Variants in ZBTB20 observed in about 807,000 individuals in gnomAD.
The protein encoded by ZBTB20 is zinc finger and BTB domain-containing protein 20.
Under a neutral mutation model 56.9 loss-of-function variants are expected in ZBTB20, and 9 were observed. That is an observed-to-expected ratio of 0.16 (90% confidence interval 0.10 to 0.28). The LOEUF (loss-of-function observed/expected upper bound fraction) is 0.28. ZBTB20 is among the 10% of genes least tolerant of loss of function. The probability of loss-of-function intolerance (pLI) is 1.00; values close to 1 mark genes in which losing one functional copy is unlikely to be tolerated. For missense variants in ZBTB20, 655 were observed against 1,003.0 expected, an observed-to-expected ratio of 0.65 and a Z score of 4.69; for synonymous variants, 417 against 420.7, an observed-to-expected ratio of 0.99 and a Z score of 0.11.
At chr3:114,952,287 A>G (rs1235513652) in intron 3 of ZBTB20, among the ~76,000 whole-genome samples, 2 of 152,072 alleles carry the variant, frequency 1.3e-5, no homozygotes. Flanking sequence ...GTTGATAAAA[A>G]GAATAGTTTG....
chr3:114,441,092 AG>A (rs2090891195), intron 7 of ZBTB20, among the ~76,000 whole-genome samples: 1 of 152,200 alleles, frequency 6.6e-6, no homozygotes, highest in Admixed American at 6.5e-5. Context: ...GTGACTAAAA[AG>A]ATTTCTTGTC....
rs1347233205 is a variant in ZBTB20 at position 114,330,815 on chromosome 3, G to A, written c.*8190C>T. 5 of 152,158 alleles carry A rather than the reference G, an allele frequency of 3.3e-5. No individual in the cohort carries two copies. Among genetic ancestry groups the A allele is most frequent in the East Asian group, 3.9e-4 (2 of 5,190 alleles). The allele number at this position is 152,158 out of a possible 1,614,324, so 9.4% of individuals were successfully genotyped here. A position where few individuals can be genotyped will look rare whatever the true frequency, so the allele number is the denominator to read the frequency against. On this transcript the variant is annotated 3_prime_UTR_variant, in exon 12 of 12. Coordinates refer to ENST00000675478, the MANE Select transcript of ZBTB20 (RefSeq NM_001348800.3). The stretch of plus-strand genomic sequence containing the variant: ...AGAAGGGCATGGGAGTGAGAAAACT[G>A]AATCCTGAATTCCAGGCCACCAAAC...
chr3:114,989,249 T>C (rs1478706550), intron 2 of ZBTB20, among the ~76,000 whole-genome samples: 9 of 152,230 alleles, frequency 5.9e-5, no homozygotes, highest in Non-Finnish European at 1.3e-4. Flanking sequence ...AACATTTAAG[T>C]CTTTAATCCA....
intron 7 of ZBTB20, among the ~76,000 whole-genome samples, chr3:114,469,230 G>A (rs1417647348): frequency 6.6e-6 from 1 of 152,098 alleles, no homozygotes; most frequent in Non-Finnish European, 1.5e-5. Flanking sequence ...TAGGTAGAGA[G>A]TTAAGCAAAT....
At chr3:114,693,657 C>T (rs1016620855) in intron 5 of ZBTB20, 82 bp from the exon 6 acceptor site, 3 of 151,978 alleles carry the variant, frequency 2.0e-5, no homozygotes, top group African/African-American at 7.3e-5. Context: ...GAAAATAACC[C>T]ATTTATTCCT....
chr3:114,923,503 GA>G (rs1220933159), intron 3 of ZBTB20, among the ~76,000 whole-genome samples: 1 of 152,180 alleles, frequency 6.6e-6, no homozygotes, highest in African/African-American at 2.4e-5. Context: ...TGGTTTTGGG[GA>G]AACTGGATAC....
At chr3:114,514,329 T>C (rs2041417118) in intron 6 of ZBTB20, among the ~76,000 whole-genome samples, 1 of 152,198 alleles carries the variant, frequency 6.6e-6, no homozygotes, top group African/African-American at 2.4e-5. Flanking sequence ...CTAAACCTTG[T>C]ATATTATGTT....
chr3:114,551,796 T>C (rs1488894383), intron 6 of ZBTB20, among the ~76,000 whole-genome samples: 2 of 152,162 alleles, frequency 1.3e-5, no homozygotes, highest in Non-Finnish European at 1.5e-5. Context: ...AAACATAGAG[T>C]AGACGTGTCC....
intron 6 of ZBTB20, among the ~76,000 whole-genome samples, chr3:114,581,167 A>G (rs1326825531): frequency 6.6e-6 from 1 of 152,050 alleles, no homozygotes; most frequent in East Asian, 1.9e-4. Flanking sequence ...AAATTAGTTA[A>G]TAAAGAATGA....
chr3:114,881,629 C>T (rs767446871), intron 4 of ZBTB20, among the ~76,000 whole-genome samples: 35 of 151,388 alleles, frequency 2.3e-4, no homozygotes, highest in Non-Finnish European at 4.0e-4. Context: ...CCTATGTCAC[C>T]AAGAATAGAC....
chr3:114,399,420 G>C (rs2086622751), intron 7 of ZBTB20, among the ~76,000 whole-genome samples: 1 of 152,044 alleles, frequency 6.6e-6, no homozygotes, highest in African/African-American at 2.4e-5. Flanking sequence ...AAGGATAATG[G>C]TAAAATTTCA....
intron 4 of ZBTB20, among the ~76,000 whole-genome samples, chr3:114,852,118 TG>T (rs1035038524): frequency 1.3e-5 from 2 of 152,064 alleles, no homozygotes; most frequent in Non-Finnish European, 2.9e-5. Flanking sequence ...GCTTCCTATA[TG>T]GTTTTTGGTC....
In ZBTB20 at chr3:114,367,827, T is replaced by C. The variant is rs542425956; in HGVS notation, c.199+12390A>G. Among the ~76,000 whole-genome samples the C allele has an allele frequency of 4.0e-5, 6 of 151,874 alleles. No homozygotes were observed. The East Asian group carries it at 1.2e-3, about 29-fold the overall frequency. ...GGAATAAAAGAAGGCAAAGAGATAA[T>C]GGAGAAACTTCCCAGTCTATTCAGG... On this transcript the variant is annotated intron_variant, in intron 10 of 11. Transcript: ENST00000675478.
At position 114,939,553 on chromosome 3, in the gene ZBTB20, T is replaced by G. The variant is rs2076660418; in HGVS notation, c.-456+34813A>C. On this transcript the variant is annotated intron_variant, in intron 3 of 11. Coordinates refer to ENST00000675478, the MANE Select transcript of ZBTB20 (RefSeq NM_001348800.3). ...TTTTCCAAATTTTCTTTATTAAAAT[T>G]TATGACCTTTAGCTGAGGGAAGGAA... Among the ~76,000 whole-genome samples, 2 of 146,378 alleles carry G rather than the reference T, an allele frequency of 1.4e-5. 1 individual carries two copies. Among genetic ancestry groups the G allele is most frequent in the African/African-American group, 5.6e-5 (2 of 36,016 alleles).
chr3:114,329,388 C>T lies in ZBTB20; in HGVS notation c.*9617G>A, dbSNP rs1287046515. Reference sequence around the variant, plus strand: ...ACCTGGGATGGTGGAAAAGTTTATTCAACTGAGGCTTTCCATGCATTGGGT... The same window carrying T: ...ACCTGGGATGGTGGAAAAGTTTATTTAACTGAGGCTTTCCATGCATTGGGT... On this transcript the variant is annotated 3_prime_UTR_variant, in exon 12 of 12. Coordinates refer to ENST00000675478, the MANE Select transcript of ZBTB20 (RefSeq NM_001348800.3). 1 of 152,118 alleles carries T rather than the reference C, an allele frequency of 6.6e-6. No homozygotes were observed. The highest frequency in any genetic ancestry group is 1.5e-5 in the Non-Finnish European group (1 of 68,010). 9.4% of individuals were successfully genotyped at this position (152,118 alleles called of 1,614,324 possible).
intron 7 of ZBTB20, among the ~76,000 whole-genome samples, chr3:114,479,171 C>T (rs2041236515): frequency 6.6e-6 from 1 of 152,066 alleles, no homozygotes; most frequent in Non-Finnish European, 1.5e-5. Context: ...AGAGAATTTG[C>T]TAGCCTGTTA....
intron 2 of ZBTB20, among the ~76,000 whole-genome samples, chr3:115,056,705 A>C (rs1045407402): frequency 6.6e-6 from 1 of 152,138 alleles, no homozygotes; most frequent in Non-Finnish European, 1.5e-5. Context: ...TTATATCCAG[A>C]AAATAATAAA....
At chr3:115,146,093 C>T (rs1278439382) in intron 1 of ZBTB20, among the ~76,000 whole-genome samples, 1 of 152,126 alleles carries the variant, frequency 6.6e-6, no homozygotes, top group Admixed American at 6.5e-5. Context: ...ATTCTGAGGA[C>T]AGTACTACAC....
intron 6 of ZBTB20, among the ~76,000 whole-genome samples, chr3:114,575,052 A>G (rs570834511): frequency 6.6e-6 from 1 of 152,320 alleles, no homozygotes; most frequent in East Asian, 1.9e-4. Flanking sequence ...ATAAATAAAA[A>G]AAAGTGGCCT....
Sources: allele counts gnomAD v4.1 joint callset (sites outside exome capture counted in the v4.1 genomes callset), GRCh38; gene constraint gnomAD v4.1.1; transcripts MANE v1.5; gene names NCBI Gene and HGNC (gene_info 2026-07-23, HGNC 2026-07-21).